C1QTNF3: variants seen among roughly 807,000 people sequenced by gnomAD.
The protein encoded by C1QTNF3 is complement C1q tumor necrosis factor-related protein 3.
A neutral mutation model predicts 32.6 loss-of-function variants in C1QTNF3; 26 were observed. That is an observed-to-expected ratio of 0.80 (90% CI 0.58 to 1.11). The LOEUF (loss-of-function observed/expected upper bound fraction) is 1.11, where lower values mean the gene tolerates loss of function less well. Ranked by LOEUF, C1QTNF3 falls within the 50% of genes least tolerant of loss-of-function variation. The pLI, the probability that C1QTNF3 is intolerant of heterozygous loss-of-function variation, is 0.00. For synonymous variants in C1QTNF3, 155 were observed against 146.0 expected (o/e 1.06, Z -0.44); for missense variants, 362 against 398.2 (o/e 0.91, Z 0.77).
intron 3 of C1QTNF3, among the ~76,000 whole-genome samples, chr5:34,030,745 T>G (rs1484716264): frequency 1.3e-5 from 2 of 152,158 alleles, no homozygotes; most frequent in African/African-American, 4.8e-5. Context: ...TGGAATACTG[T>G]GCAGCCATAA....
At chr5:34,125,510 A>G in the C1QTNF3 span, among the ~76,000 whole-genome samples, 2 of 152,006 alleles carry the variant, frequency 1.3e-5, no homozygotes. Context: ...TTCTGGGGAA[A>G]TTTTCTTATG....
the C1QTNF3 span, among the ~76,000 whole-genome samples, chr5:34,243,972 G>T: frequency 6.6e-6 from 1 of 152,258 alleles, no homozygotes; most frequent in African/African-American, 2.4e-5. Context: ...TTCTAATGAA[G>T]GTAGACTTTA....
At chr5:34,205,378 A>G in the C1QTNF3 span, among the ~76,000 whole-genome samples, 4 of 152,194 alleles carry the variant, frequency 2.6e-5, no homozygotes, top group African/African-American at 9.7e-5. Flanking sequence ...CCTCTTGTCC[A>G]ATTGTAATCG....
At chr5:34,230,197 A>T in the C1QTNF3 span, among the ~76,000 whole-genome samples, 64 of 152,372 alleles carry the variant, frequency 4.2e-4, no homozygotes, top group African/African-American at 1.5e-3. Context: ...CAAAGAATGC[A>T]GCTGGATTCT....
the C1QTNF3 span, among the ~76,000 whole-genome samples, chr5:34,075,842 G>GT: frequency 6.7e-6 from 1 of 150,370 alleles, no homozygotes; most frequent in African/African-American, 2.5e-5. Context: ...GGACCCCCAG[G>GT]TGTCACACAG....
At chr5:34,233,027 G>A in the C1QTNF3 span, among the ~76,000 whole-genome samples, 1 of 149,836 alleles carries the variant, frequency 6.7e-6, no homozygotes, top group East Asian at 2.0e-4. Context: ...ATAGTATTCA[G>A]TAATAAACAT....
the C1QTNF3 span, among the ~76,000 whole-genome samples, chr5:34,223,083 T>C: frequency 6.6e-6 from 1 of 151,580 alleles, no homozygotes; most frequent in Non-Finnish European, 1.5e-5. Flanking sequence ...GTTAGTTACA[T>C]ATGTATACAT....
the C1QTNF3 span, among the ~76,000 whole-genome samples, chr5:34,177,480 CTTTT>C: frequency 1.2e-5 from 1 of 84,656 alleles, no homozygotes; most frequent in Non-Finnish European, 2.1e-5. Context: ...CCATACCCAA[CTTTT>C]TTTTTTTTTT....
chr5:34,060,347 T>C, the C1QTNF3 span, among the ~76,000 whole-genome samples: 2 of 152,274 alleles, frequency 1.3e-5, no homozygotes, highest in African/African-American at 4.8e-5. Flanking sequence ...CTATAGCCTA[T>C]TGCTTCTAGG....
the C1QTNF3 span, among the ~76,000 whole-genome samples, chr5:34,220,193 T>TA: frequency 1.3e-5 from 2 of 152,112 alleles, no homozygotes; most frequent in South Asian, 4.1e-4. Flanking sequence ...AAATCAATTT[T>TA]AAGTGGATCT....
At chr5:34,088,111 G>A in the C1QTNF3 span, among the ~76,000 whole-genome samples, 216 of 152,388 alleles carry the variant, frequency 1.4e-3, no homozygotes, top group Non-Finnish European at 2.4e-3. Context: ...TGCTCAATAA[G>A]CAAGAGTTAC....
At chr5:34,132,439 A>G in the C1QTNF3 span, among the ~76,000 whole-genome samples, 36 of 23,778 alleles carry the variant, frequency 1.5e-3, no homozygotes, top group South Asian at 7.3e-3. Context: ...GTGTATGTAT[A>G]TATATATATA....
At chr5:34,051,452 C>A in the C1QTNF3 span, among the ~76,000 whole-genome samples, 85,841 of 152,116 alleles carry the variant, frequency 0.56, 26,039 homozygotes, top group East Asian at 0.85. Context: ...GCCTGTTCTG[C>A]AACTCACACA....
the C1QTNF3 span, among the ~76,000 whole-genome samples, chr5:34,118,564 AT>A: frequency 8.0e-5 from 12 of 150,800 alleles, no homozygotes; most frequent in African/African-American, 1.2e-4. Context: ...TTGCTGACAG[AT>A]TTTTTTTTGG....
the C1QTNF3 span, among the ~76,000 whole-genome samples, chr5:34,109,293 A>C: frequency 6.8e-6 from 1 of 147,826 alleles, no homozygotes; most frequent in Middle Eastern, 3.2e-3. Flanking sequence ...TCCTAAGAGA[A>C]TTAATGTGTG....
chr5:34,177,489 T>TTA, the C1QTNF3 span, among the ~76,000 whole-genome samples: 10 of 145,150 alleles, frequency 6.9e-5, no homozygotes, highest in African/African-American at 2.6e-4. Context: ...ACTTTTTTTT[T>TTA]TTTTTTTTTT....
the C1QTNF3 span, among the ~76,000 whole-genome samples, chr5:34,120,209 A>G: frequency 6.6e-6 from 1 of 152,226 alleles, no homozygotes; most frequent in Non-Finnish European, 1.5e-5. Flanking sequence ...GCATTCATGC[A>G]TGTTTCAGAA....
At chr5:34,126,223 C>A in the C1QTNF3 span, among the ~76,000 whole-genome samples, 1 of 151,974 alleles carries the variant, frequency 6.6e-6, no homozygotes, top group East Asian at 1.9e-4. Flanking sequence ...CTAATATTTA[C>A]CTCCATTATG....
At chr5:34,084,895 G>T in the C1QTNF3 span, among the ~76,000 whole-genome samples, 5 of 140,508 alleles carry the variant, frequency 3.6e-5, no homozygotes, top group African/African-American at 1.4e-4. Flanking sequence ...TGGTGTTTTA[G>T]TCATTAAGTA....
Sources: gnomAD v4.1 joint callset for allele counts (sites outside exome capture counted in the v4.1 genomes callset) on GRCh38, gnomAD v4.1.1 for gene constraint, MANE v1.5 for transcripts, NCBI Gene and HGNC (gene_info 2026-07-23, HGNC 2026-07-21) for gene names.